The following MCC variants were observed in gnomAD, a reference collection of about 807,000 sequenced individuals.
MCC encodes the protein colorectal mutant cancer protein.
A neutral mutation model predicts 116.2 loss-of-function variants in MCC; 90 were observed. The ratio of observed to expected loss-of-function variants is 0.77; its 90% confidence interval spans 0.65 to 0.92. The LOEUF (loss-of-function observed/expected upper bound fraction) is 0.92, where lower values mean the gene tolerates loss of function less well. MCC is among the 40% of genes least tolerant of loss of function. The pLI, the probability that MCC is intolerant of heterozygous loss-of-function variation, is 0.00. For missense variants in MCC, 1,516 were observed against 1,312.2 expected, an observed-to-expected ratio of 1.16 and a Z score of -2.40; for synonymous variants, 578 against 510.5, an observed-to-expected ratio of 1.13 and a Z score of -1.78.
At chr5:113,480,593 A>G (rs999184504) in intron 1 of MCC, among the ~76,000 whole-genome samples, 1 of 152,230 alleles carries the variant, frequency 6.6e-6, no homozygotes, top group African/African-American at 2.4e-5. Flanking sequence ...AACGTCTTCC[A>G]TTAAGATCAG....
At chr5:113,406,540 T>TAA in intron 1 of MCC, among the ~76,000 whole-genome samples, 1 of 152,268 alleles carries the variant, frequency 6.6e-6, no homozygotes, top group South Asian at 2.1e-4. Flanking sequence ...GAACCAGCAA[T>TAA]AAAAAGAGTT....
Position 113,075,952 on chromosome 5 carries a change from A to G in MCC, c.1785-4718T>C, listed in dbSNP as rs530392213. ...GCGCCCCCTTTAAGAGCTGTAACTC[A>G]CTGTGAAGGTCTGCAGCTTCAGTCT... On this transcript the variant is annotated intron_variant, in intron 11 of 18. Transcript: ENST00000408903. Among the ~76,000 whole-genome samples, 16 of 152,304 alleles carry G rather than the reference A, an allele frequency of 1.1e-4. No homozygotes were observed. In the East Asian group the frequency reaches 3.1e-3, roughly 29 times the overall value.
At chr5:113,080,192 T>C (rs963393293) in intron 11 of MCC, among the ~76,000 whole-genome samples, 4 of 152,360 alleles carry the variant, frequency 2.6e-5, no homozygotes, top group African/African-American at 7.2e-5. Context: ...GGAACACTTT[T>C]ACACTGTTGG....
intron 17 of MCC, among the ~76,000 whole-genome samples, chr5:113,034,276 G>A (rs372138453): frequency 6.6e-6 from 1 of 152,168 alleles, no homozygotes; most frequent in African/African-American, 2.4e-5. Flanking sequence ...AGGCAGCCTC[G>A]TGGTGTGAAT....
At chr5:113,044,070 C>T (rs1016838403) in intron 16 of MCC, among the ~76,000 whole-genome samples, 8 of 152,208 alleles carry the variant, frequency 5.3e-5, no homozygotes, top group African/African-American at 1.9e-4. Context: ...GCTGTGTGGC[C>T]ACAGATCAAT....
At chr5:113,093,335 T>G (rs1755773424) in intron 8 of MCC, among the ~76,000 whole-genome samples, 4 of 152,182 alleles carry the variant, frequency 2.6e-5, no homozygotes, top group Admixed American at 2.6e-4. Context: ...CTCAGGCAGC[T>G]TGCTATGCAG....
intron 11 of MCC, among the ~76,000 whole-genome samples, chr5:113,075,962 T>C (rs1335489814): frequency 6.6e-6 from 1 of 151,874 alleles, no homozygotes; most frequent in East Asian, 1.9e-4. Context: ...ACTGTGAAGG[T>C]CTGCAGCTTC....
chr5:113,367,652 AAG>A (rs375991374), intron 2 of MCC, among the ~76,000 whole-genome samples: 13 of 141,766 alleles, frequency 9.2e-5, no homozygotes, highest in Non-Finnish European at 1.1e-4. Flanking sequence ...GAGAGAGAGA[AAG>A]AGAGAGAGAG....
In MCC at chr5:113,122,833, A is replaced by G. The variant is rs762637567; in HGVS notation, c.885-7T>C. 5.6e-6 allele frequency: 9 copies of G among 1,614,144 alleles called. No individual in the cohort carries two copies. In the South Asian group the frequency reaches 9.9e-5, roughly 18 times the overall value. ...TGAGTACTCATCTTCCTCCCTGAGA[A>G]AAAAGGAGAATTGGCAACCACTAAC... On this transcript the variant is annotated splice_polypyrimidine_tract_variant and splice_region_variant and intron_variant, in intron 5 of 18. Transcript: ENST00000408903.
chr5:113,302,868 G>A (rs1766897453), intron 3 of MCC, among the ~76,000 whole-genome samples: 2 of 152,198 alleles, frequency 1.3e-5, no homozygotes, highest in African/African-American at 4.8e-5. Context: ...AGTAAGGCAA[G>A]GAAACCTGTT....
chr5:113,459,131 ATATGTGTGTGTGTGTGTGTG>A (rs1467205975), intron 1 of MCC, among the ~76,000 whole-genome samples: 58 of 64,066 alleles, frequency 9.1e-4, no homozygotes, highest in African/African-American at 4.1e-3. Flanking sequence ...AGGAGTAAGG[ATATGTGTGTGTGTGTGTGTG>A]TGTGTGTGTG....
intron 1 of MCC, among the ~76,000 whole-genome samples, chr5:113,486,056 C>T (rs1461453350): frequency 6.6e-6 from 1 of 152,128 alleles, no homozygotes; most frequent in Non-Finnish European, 1.5e-5. Context: ...GCCCCATTCC[C>T]CAAGTCTTAC....
intron 3 of MCC, among the ~76,000 whole-genome samples, chr5:113,299,766 T>G (rs1369743749): frequency 3.9e-5 from 6 of 152,186 alleles, no homozygotes; most frequent in Admixed American, 2.6e-4. Flanking sequence ...ATTAAGCTCC[T>G]ATGGAGAGGT....
chr5:113,327,621 A>T (rs1162836530), intron 3 of MCC, among the ~76,000 whole-genome samples: 1 of 144,682 alleles, frequency 6.9e-6, no homozygotes, highest in Non-Finnish European at 1.5e-5. Flanking sequence ...TTCCTTACTA[A>T]GATATTGCCT....
intron 1 of MCC, among the ~76,000 whole-genome samples, chr5:113,458,711 C>G (rs1771652485): frequency 6.6e-6 from 1 of 152,158 alleles, no homozygotes; most frequent in Non-Finnish European, 1.5e-5. Flanking sequence ...GGCTACTGAC[C>G]TGAGCTGCTG....
intron 3 of MCC, among the ~76,000 whole-genome samples, chr5:113,332,205 A>G (rs1328605853): frequency 1.3e-5 from 2 of 151,268 alleles, no homozygotes; most frequent in Admixed American, 6.6e-5. Context: ...TTTTGAGACA[A>G]TGTCTTGCTA....
chr5:113,268,288 G>A (rs1189221322), intron 3 of MCC, among the ~76,000 whole-genome samples: 1 of 152,152 alleles, frequency 6.6e-6, no homozygotes, highest in Admixed American at 6.5e-5. Context: ...GGGTCCAAAT[G>A]AACTCTACCT....
intron 5 of MCC, 110 bp downstream of exon 5, chr5:113,143,108 T>C (rs1251422287): frequency 8.8e-6 from 10 of 1,140,382 alleles, no homozygotes; most frequent in South Asian, 1.7e-5. Context: ...TAGTTTATAA[T>C]CTACAAACTA....
intron 3 of MCC, among the ~76,000 whole-genome samples, chr5:113,289,452 G>A (rs969652658): frequency 6.6e-6 from 1 of 152,094 alleles, no homozygotes; most frequent in African/African-American, 2.4e-5. Context: ...ACCCCTCTTG[G>A]AGAGGTGTTT....
Sources: gnomAD v4.1 joint callset for allele counts (sites outside exome capture counted in the v4.1 genomes callset) on GRCh38, gnomAD v4.1.1 for gene constraint, MANE v1.5 for transcripts, NCBI Gene and HGNC (gene_info 2026-07-23, HGNC 2026-07-21) for gene names.